PCSK5: variants seen among roughly 807,000 people sequenced by gnomAD.
The protein encoded by PCSK5 is proprotein convertase subtilisin/kexin type 5.
In PCSK5, 129 loss-of-function variants were observed where a neutral mutation model predicts 233.2. The observed-to-expected ratio is 0.55, with a 90% CI of 0.48 to 0.64. PCSK5 has a LOEUF of 0.64. Among genes scored for constraint, PCSK5 ranks in the 30% least tolerant of loss-of-function variants. The pLI is 0.00. For synonymous variants in PCSK5, 825 were observed against 879.2 expected, an observed-to-expected ratio of 0.94 and a Z score of 1.09; for missense variants, 2,076 against 2,430.1, an observed-to-expected ratio of 0.85 and a Z score of 3.06.
intron 24 of PCSK5, among the ~76,000 whole-genome samples, chr9:76,282,486 A>G (rs1266276627): frequency 6.8e-6 from 1 of 146,430 alleles, no homozygotes; most frequent in South Asian, 2.2e-4. Context: ...TGCCCAGCTG[A>G]TATCTATTTT....
chr9:76,314,321 G>A (rs1467520516), intron 30 of PCSK5, among the ~76,000 whole-genome samples: 4 of 152,178 alleles, frequency 2.6e-5, no homozygotes, highest in African/African-American at 9.7e-5. Context: ...GCAAGCATAT[G>A]CCCTCCTGTT....
At chr9:76,263,186 T>G (rs1008640531) in intron 24 of PCSK5, among the ~76,000 whole-genome samples, 1 of 152,088 alleles carries the variant, frequency 6.6e-6, no homozygotes, top group East Asian at 1.9e-4. Context: ...GGTGGGACTG[T>G]AAACTAGTTC....
At position 75,989,571 on chromosome 9, in the gene PCSK5, T is replaced by G. The variant is rs181228028; in HGVS notation, c.411+3326T>G. On this transcript the variant is annotated intron_variant, in intron 3 of 37. Coordinates refer to ENST00000674117, the MANE Select transcript of PCSK5 (RefSeq NM_001372043.1). ...CGGGGCCCAGGGATGATGGCTTTCCTCTGTTCTGGGATGTCTGGGGCTTTA... is the reference window on the plus strand; with the variant it reads ...CGGGGCCCAGGGATGATGGCTTTCCGCTGTTCTGGGATGTCTGGGGCTTTA... 3.2e-4 allele frequency among the ~76,000 whole-genome samples: 48 copies of G among 152,078 alleles called. No individual in the cohort carries two copies. The East Asian group carries it at 7.9e-3, about 25-fold the overall frequency.
At chr9:75,972,967 C>T (rs903924532) in intron 2 of PCSK5, among the ~76,000 whole-genome samples, 3 of 152,054 alleles carry the variant, frequency 2.0e-5, no homozygotes, top group South Asian at 2.1e-4. Context: ...AGTTCCTGTG[C>T]TCTATGGAAA....
At chr9:76,339,149 C>T in intron 35 of PCSK5, among the ~76,000 whole-genome samples, 1 of 151,924 alleles carries the variant, frequency 6.6e-6, no homozygotes, top group East Asian at 1.9e-4. Context: ...GAGTGATTGC[C>T]TTAAAATTCA....
chr9:76,191,854 A>G (rs1334112888), intron 20 of PCSK5, among the ~76,000 whole-genome samples: 3 of 152,118 alleles, frequency 2.0e-5, no homozygotes, highest in Non-Finnish European at 4.4e-5. Context: ...GGTTAGTAAC[A>G]GAAAATTGAG....
chr9:76,047,861 A>G (rs1829478335), intron 5 of PCSK5, among the ~76,000 whole-genome samples: 1 of 152,222 alleles, frequency 6.6e-6, no homozygotes, highest in Non-Finnish European at 1.5e-5. Context: ...AGCTATAGTC[A>G]TTCTTGTATC....
intron 28 of PCSK5, 130 bp from the exon 29 acceptor site, chr9:76,308,515 A>G (rs1828771916): frequency 1.5e-6 from 1 of 678,300 alleles, no homozygotes; most frequent in Admixed American, 2.5e-5. Context: ...CAATCAGCTC[A>G]TGTACAATCA....
chr9:76,252,279 T>C (rs921931180), intron 24 of PCSK5, among the ~76,000 whole-genome samples: 2 of 151,370 alleles, frequency 1.3e-5, no homozygotes, highest in South Asian at 4.2e-4. Flanking sequence ...TCAGAAAAAA[T>C]AATAATAATA....
chr9:76,189,342 C>A, intron 19 of PCSK5, 119 bp downstream of exon 19: 2 of 827,136 alleles, frequency 2.4e-6, no homozygotes, highest in East Asian at 2.5e-5. Flanking sequence ...TAAACATGTA[C>A]CTGTGGACAC....
At chr9:76,213,732 T>C (rs998903004) in intron 20 of PCSK5, among the ~76,000 whole-genome samples, 1 of 152,140 alleles carries the variant, frequency 6.6e-6, no homozygotes, top group African/African-American at 2.4e-5. Context: ...CCGTTATCTG[T>C]CTACATCCTC....
intron 1 of PCSK5, among the ~76,000 whole-genome samples, chr9:75,926,192 A>G (rs1191594955): frequency 6.7e-6 from 1 of 149,830 alleles, no homozygotes; most frequent in Non-Finnish European, 1.5e-5. Flanking sequence ...GCAAAGAAAT[A>G]ACCAGAATTC....
intron 1 of PCSK5, among the ~76,000 whole-genome samples, chr9:75,898,248 A>C (rs1207621321): frequency 2.0e-5 from 3 of 152,226 alleles, no homozygotes; most frequent in Non-Finnish European, 4.4e-5. Flanking sequence ...TCTCACCTGA[A>C]TAATTCTGAG....
intron 7 of PCSK5, among the ~76,000 whole-genome samples, chr9:76,084,671 A>G (rs1479706490): frequency 6.6e-6 from 1 of 152,214 alleles, no homozygotes; most frequent in Non-Finnish European, 1.5e-5. Flanking sequence ...AGATTAGGTC[A>G]AGTTGAGGTC....
At chr9:76,169,502 T>G (rs946969998) in intron 12 of PCSK5, among the ~76,000 whole-genome samples, 5 of 152,084 alleles carry the variant, frequency 3.3e-5, no homozygotes, top group South Asian at 4.2e-4. Flanking sequence ...CAGCCCCAAT[T>G]CTGTTTCTCT....
intron 3 of PCSK5, among the ~76,000 whole-genome samples, chr9:75,996,819 T>TG (rs1170969933): frequency 4.6e-5 from 7 of 151,740 alleles, no homozygotes; most frequent in Non-Finnish European, 7.4e-5. Context: ...AACAAAGTTT[T>TG]TTTTTTTTTT....
chr9:75,976,570 A>AT, intron 2 of PCSK5, among the ~76,000 whole-genome samples: 1 of 151,988 alleles, frequency 6.6e-6, no homozygotes, highest in Non-Finnish European at 1.5e-5. Flanking sequence ...AGTCTTTGAA[A>AT]TTATCTTTCC....
Position 76,357,817 on chromosome 9 carries a change from T to A in PCSK5, c.5255-696T>A, listed in dbSNP as rs550346826. On this transcript the variant is annotated intron_variant, in intron 37 of 37. Transcript: ENST00000674117. ...CAAACAACAAATTGGCCTAAGTAAT[T>A]TCTAAGGCCCCACATGGCTCTCAGA... Among the ~76,000 whole-genome samples, 7 of 152,336 alleles carry A rather than the reference T, an allele frequency of 4.6e-5. No homozygotes were observed. In the South Asian group the frequency reaches 1.5e-3, roughly 32 times the overall value.
intron 9 of PCSK5, among the ~76,000 whole-genome samples, chr9:76,128,627 T>A (rs754827751): frequency 6.6e-6 from 1 of 152,206 alleles, no homozygotes; most frequent in Non-Finnish European, 1.5e-5. Flanking sequence ...AAATTTTTCT[T>A]TATAAATTAG....
Sources: gnomAD v4.1 joint callset for allele counts (sites outside exome capture counted in the v4.1 genomes callset) on GRCh38, gnomAD v4.1.1 for gene constraint, MANE v1.5 for transcripts, NCBI Gene and HGNC (gene_info 2026-07-23, HGNC 2026-07-21) for gene names.